MVB12B: variants seen among roughly 807,000 people sequenced by gnomAD.
MVB12B encodes the protein multivesicular body subunit 12B.
MVB12B carries 16 observed loss-of-function variants against 41.6 expected under a neutral mutation model. That is an observed-to-expected ratio of 0.38 (90% confidence interval 0.26 to 0.58). The LOEUF is 0.58. Ranked by LOEUF, MVB12B falls within the 20% of genes least tolerant of loss-of-function variation. The pLI is 0.62. For synonymous variants in MVB12B, 133 were observed against 139.7 expected (o/e 0.95, Z 0.34); for missense variants, 274 against 380.2 (o/e 0.72, Z 2.32).
At chr9:126,366,182 T>A (rs1192136768) in intron 2 of MVB12B, among the ~76,000 whole-genome samples, 1 of 152,026 alleles carries the variant, frequency 6.6e-6, no homozygotes, top group Non-Finnish European at 1.5e-5. Context: ...AGCCACCATC[T>A]TTGTATGCCC....
At chr9:126,489,993 GAA>G (rs1359621414) in intron 9 of MVB12B, among the ~76,000 whole-genome samples, 5 of 152,150 alleles carry the variant, frequency 3.3e-5, no homozygotes, top group South Asian at 2.1e-4. Context: ...TTGTCCCAGT[GAA>G]GCCCTTACGG....
At chr9:126,404,193 G>A (rs1411789276) in intron 6 of MVB12B, among the ~76,000 whole-genome samples, 1 of 152,086 alleles carries the variant, frequency 6.6e-6, no homozygotes, top group Non-Finnish European at 1.5e-5. Context: ...GACCTCAAGT[G>A]ATCCGCCTGC....
intron 7 of MVB12B, among the ~76,000 whole-genome samples, chr9:126,454,830 A>C (rs898315740): frequency 6.6e-6 from 1 of 151,556 alleles, no homozygotes; most frequent in African/African-American, 2.4e-5. Context: ...TTCCTTAATC[A>C]ATGTTCTTTA....
At position 126,451,676 on chromosome 9, in the gene MVB12B, A is replaced by T. The variant is rs377713783; in HGVS notation, c.758-29693A>T. ...TGCAGGAACTCCGTGGTGGGACACG[A>T]CCCTCCCACTACCTTCCAGAAGCAG... is the stretch of plus-strand genomic sequence containing the variant. On this transcript the variant is annotated intron_variant, in intron 7 of 9. Transcript: ENST00000361171. Among the ~76,000 whole-genome samples, 16 of 151,842 alleles carry T rather than the reference A, an allele frequency of 1.1e-4. No individual in the cohort carries two copies. The South Asian group carries it at 1.3e-3, about 12-fold the overall frequency.
intron 9 of MVB12B, among the ~76,000 whole-genome samples, chr9:126,496,640 T>C (rs1270793171): frequency 6.6e-6 from 1 of 152,070 alleles, no homozygotes; most frequent in Non-Finnish European, 1.5e-5. Context: ...TTAGTGGTCC[T>C]TAAGGACACG....
At chr9:126,361,237 T>C (rs757017790) in intron 2 of MVB12B, among the ~76,000 whole-genome samples, 3 of 152,222 alleles carry the variant, frequency 2.0e-5, no homozygotes, top group Non-Finnish European at 4.4e-5. Flanking sequence ...GTTGTTGTTG[T>C]TTCTCAGTAG....
At chr9:126,482,828 A>T (rs1422005274) in intron 8 of MVB12B, among the ~76,000 whole-genome samples, 2 of 152,336 alleles carry the variant, frequency 1.3e-5, no homozygotes, top group East Asian at 3.9e-4. Flanking sequence ...CTCCAAGGAC[A>T]CATACCCAGC....
At chr9:126,487,878 A>G (rs1833653082) in intron 9 of MVB12B, among the ~76,000 whole-genome samples, 1 of 152,212 alleles carries the variant, frequency 6.6e-6, no homozygotes, top group Non-Finnish European at 1.5e-5. Flanking sequence ...TAAACAGGGT[A>G]GAAAACCATA....
intron 9 of MVB12B, among the ~76,000 whole-genome samples, chr9:126,484,526 TC>T: frequency 2.5e-4 from 1 of 4,034 alleles, no homozygotes; most frequent in Non-Finnish European, 1.0e-3. Flanking sequence ...CAGGGTACCT[TC>T]TTCCACTGTG....
In MVB12B at chr9:126,480,148, G is replaced by GCAGT. The variant is rs1833497446; in HGVS notation, c.758-1221_758-1220insCAGT. On this transcript the variant is annotated intron_variant, in intron 7 of 9. Transcript: ENST00000361171. The surrounding 1 kb of genome is among the most constrained non-coding windows in gnomAD (Gnocchi z 4.9). ...CATTGTGCTCACTCCGTTTCTCCCT[G>GCAGT]AAACCACAATTTACTGCATAGCCAC... Among the ~76,000 whole-genome samples the GCAGT allele has an allele frequency of 6.6e-6, 1 of 152,120 alleles. No homozygotes were observed. The highest frequency in any genetic ancestry group is 6.5e-5 in the Admixed American group (1 of 15,276).
rs1251519231 is a variant in MVB12B, at chr9:126,506,172, AGTGGGGTCACGTAAAGGAATTGCAGGT to A, written c.*2910_*2936del. 2 of 152,672 alleles carry A rather than the reference AGTGGGGTCACGTAAAGGAATTGCAGGT, an allele frequency of 1.3e-5. No homozygotes were observed. Among genetic ancestry groups the A allele is most frequent in the Admixed American group, 1.3e-4 (2 of 15,280 alleles). The allele number at this position is 152,672 out of a possible 1,614,324, so 9.5% of individuals were successfully genotyped here. On this transcript the variant is annotated 3_prime_UTR_variant, in exon 10 of 10. Coordinates refer to ENST00000361171, the MANE Select transcript of MVB12B (RefSeq NM_033446.3). Reference sequence around the variant, plus strand: ...CCGCCACTTGGAGAGATGAGAACCCAGTGGGGTCACGTAAAGGAATTGCAGGTCGGTGAGAGGACAAGAGGGACTCCC... The same window carrying A: ...CCGCCACTTGGAGAGATGAGAACCCACGGTGAGAGGACAAGAGGGACTCCC...
chr9:126,412,205 T>G (rs1831671496), intron 6 of MVB12B, among the ~76,000 whole-genome samples: 1 of 152,112 alleles, frequency 6.6e-6, no homozygotes, highest in South Asian at 2.1e-4. Flanking sequence ...GTGCCAGGTG[T>G]TTTATAAGAG....
chr9:126,398,446 C>G (rs1254027796), intron 6 of MVB12B, among the ~76,000 whole-genome samples: 1 of 152,158 alleles, frequency 6.6e-6, no homozygotes, highest in Admixed American at 6.5e-5. Context: ...AACAGGAATT[C>G]CATTTCCCAC....
intron 7 of MVB12B, among the ~76,000 whole-genome samples, chr9:126,427,696 C>T (rs1014763696): frequency 6.6e-6 from 1 of 152,172 alleles, no homozygotes; most frequent in Non-Finnish European, 1.5e-5. Context: ...CAAAAAATCT[C>T]GAACACCCTA....
At chr9:126,477,171 TGAGA>T (rs1416258641) in intron 7 of MVB12B, among the ~76,000 whole-genome samples, 3 of 151,090 alleles carry the variant, frequency 2.0e-5, no homozygotes, top group African/African-American at 7.3e-5. Flanking sequence ...AGAGCAGGAG[TGAGA>T]GAGAGGGCCA....
intron 7 of MVB12B, among the ~76,000 whole-genome samples, chr9:126,440,601 A>C (rs1014082276): frequency 6.6e-6 from 1 of 152,226 alleles, no homozygotes; most frequent in Non-Finnish European, 1.5e-5. Flanking sequence ...ACACGCGTGA[A>C]ACAGTTGTTC....
chr9:126,351,433 C>T (rs1409291955), intron 2 of MVB12B, among the ~76,000 whole-genome samples: 2 of 148,296 alleles, frequency 1.3e-5, no homozygotes, highest in South Asian at 2.1e-4. Context: ...AGAGAGTAGA[C>T]CTTCTTGCCT....
chr9:126,343,559 T>C (rs917650580), intron 2 of MVB12B, among the ~76,000 whole-genome samples: 1 of 152,192 alleles, frequency 6.6e-6, no homozygotes, highest in African/African-American at 2.4e-5. Context: ...CTGAGAATCA[T>C]TGTTGGGTGT....
At chr9:126,470,197 CTG>C (rs1426331976) in intron 7 of MVB12B, among the ~76,000 whole-genome samples, 55 of 152,184 alleles carry the variant, frequency 3.6e-4, no homozygotes, top group Admixed American at 3.6e-3. Context: ...AACCCAGGGG[CTG>C]TGAGTCCCAA....
Sources: allele counts gnomAD v4.1 joint callset (sites outside exome capture counted in the v4.1 genomes callset), GRCh38; gene constraint gnomAD v4.1.1; non-coding constraint Gnocchi (gnomAD v3.1); transcripts MANE v1.5; gene names NCBI Gene and HGNC (gene_info 2026-07-23, HGNC 2026-07-21).